The following DHX33 variants were observed in gnomAD, a reference collection of about 807,000 sequenced individuals.
DHX33 encodes the protein ATP-dependent RNA helicase DHX33.
DHX33 carries 42 observed loss-of-function variants against 72.5 expected under a neutral mutation model. The observed-to-expected ratio is 0.58, with a 90% CI of 0.45 to 0.75. The LOEUF is 0.75. Among genes scored for constraint, DHX33 ranks in the 30% least tolerant of loss-of-function variants. DHX33 has a pLI of 0.00. For synonymous variants in DHX33, 358 were observed against 366.1 expected, an observed-to-expected ratio of 0.98 and a Z score of 0.25; for missense variants, 842 against 917.5, an observed-to-expected ratio of 0.92 and a Z score of 1.06.
chr17:5,440,923 A>G lies in DHX33; in HGVS notation c.*3282T>C, dbSNP rs1184232860. 6.6e-6 allele frequency: 1 copy of G among 152,222 alleles called. No individual in the cohort carries two copies. The highest frequency in any genetic ancestry group is 1.5e-5 in the Non-Finnish European group (1 of 68,046). 9.4% of individuals were successfully genotyped at this position (152,222 alleles called of 1,614,324 possible). On this transcript the variant is annotated 3_prime_UTR_variant, in exon 12 of 12. Transcript: ENST00000225296. Reference sequence around the variant, plus strand: ...ACAAGCCACACACATCATATACAAGATTCATTTTTAATGGATTTGATCGTC... The same window carrying G: ...ACAAGCCACACACATCATATACAAGGTTCATTTTTAATGGATTTGATCGTC...
chr17:5,445,376 G>A (rs1916618366), intron 11 of DHX33, among the ~76,000 whole-genome samples: 1 of 152,192 alleles, frequency 6.6e-6, no homozygotes, highest in Non-Finnish European at 1.5e-5. Flanking sequence ...ACCGCGCCCG[G>A]CCTCACCACT....
Position 5,456,054 on chromosome 17 carries a change from A to G in DHX33, c.978T>C (p.Pro326=), listed in dbSNP as rs1250448255. The change falls in exon 5 of 12, where the codon CCT becomes CCC. Residue 326 remains proline (P), a synonymous_variant. Transcript: ENST00000225296. ...PDGCPAMLVL[P]LYASLPYAQQ... is the part of the protein sequence containing the mutation. ...GTGCATAGGGCAGGGAGGCGTACAG[A>G]GGAAGGACCAGCATCGCAGGGCAGC... is the stretch of plus-strand genomic sequence containing the variant. The G allele has an allele frequency of 6.2e-7, 1 of 1,613,528 alleles. No individual in the cohort carries two copies. The highest frequency in any genetic ancestry group is 8.5e-7 in the Non-Finnish European group (1 of 1,180,028).
In DHX33 at chr17:5,450,944, C is replaced by A; in HGVS notation, c.1397-10G>T. The A allele has an allele frequency of 6.2e-7, 1 of 1,610,592 alleles. No homozygotes were observed. Among genetic ancestry groups the A allele is most frequent in the Non-Finnish European group, 8.5e-7 (1 of 1,178,926 alleles). On this transcript the variant is annotated splice_polypyrimidine_tract_variant and intron_variant, in intron 8 of 11. Coordinates refer to ENST00000225296, the MANE Select transcript of DHX33 (RefSeq NM_020162.4). ...GCCGCCTGAATGTGATCTAAAGAAA[C>A]AGAGACATAAAAAGGAGCCAAAAGT...
At position 5,468,899 on chromosome 17, in the gene DHX33, G is replaced by T; in HGVS notation, c.-40C>A. ...GCGGCGGGAGGCGCAAGCGCCGAGA[G>T]CTCCTGCCCCCTCTCAGGTGCAGAC... On this transcript the variant is annotated 5_prime_UTR_variant, in exon 1 of 12. Transcript: ENST00000225296. The T allele has an allele frequency of 1.9e-6, 3 of 1,547,390 alleles. No homozygotes were observed. The highest frequency in any genetic ancestry group is 2.6e-6 in the Non-Finnish European group (3 of 1,145,804).
chr17:5,462,645 C>T, intron 2 of DHX33, 99 bp from the exon 3 acceptor site: 1 of 787,000 alleles, frequency 1.3e-6, no homozygotes, highest in Non-Finnish European at 2.2e-6. Flanking sequence ...GTGAACAAGA[C>T]CAACACCAAC....
At position 5,460,990 on chromosome 17, in the gene DHX33, A is replaced by T; in HGVS notation, c.798T>A (p.Pro266=). ...HPIQVFYTKQ[P]QNDYLHAALV... ...GCGCGGCGTGCAGGTAATCATTCTGAGGCTGTTTGGTGTAAAACACCTGGA... is the reference window on the plus strand; with the variant it reads ...GCGCGGCGTGCAGGTAATCATTCTGTGGCTGTTTGGTGTAAAACACCTGGA... Residue 266 remains proline, a synonymous_variant, in exon 4 of 12, where the codon CCT becomes CCA. Transcript: ENST00000225296. The T allele has an allele frequency of 6.2e-7, 1 of 1,614,062 alleles. No homozygotes were observed. The highest frequency in any genetic ancestry group is 8.5e-7 in the Non-Finnish European group (1 of 1,179,984).
At chr17:5,456,819 T>C (rs1028104306) in intron 4 of DHX33, among the ~76,000 whole-genome samples, 1 of 152,176 alleles carries the variant, frequency 6.6e-6, no homozygotes, top group African/African-American at 2.4e-5. Context: ...TCCTAATCTA[T>C]GGAAATGAAC....
rs769191375 is a variant in DHX33, at chr17:5,462,499, C to T, written c.498G>A (p.Arg166=). ...RFDDVTSEDT[R]IKFLTDGMLL... Reference sequence around the variant, plus strand: ...GCATGCCATCTGTCAGAAACTTGATCCTGGTGTCTTCTGAGGTGACATCAT... The same window carrying T: ...GCATGCCATCTGTCAGAAACTTGATTCTGGTGTCTTCTGAGGTGACATCAT... The change falls in exon 3 of 12, where the codon AGG becomes AGA. Residue 166 remains arginine, a synonymous_variant. Coordinates refer to ENST00000225296, the MANE Select transcript of DHX33 (RefSeq NM_020162.4). 6.2e-7 allele frequency: 1 copy of T among 1,614,164 alleles called. No individual in the cohort carries two copies. The highest frequency in any genetic ancestry group is 8.5e-7 in the Non-Finnish European group (1 of 1,180,022).
intron 5 of DHX33, among the ~76,000 whole-genome samples, chr17:5,455,725 C>A (rs1412794076): frequency 6.6e-6 from 1 of 152,202 alleles, no homozygotes; most frequent in Non-Finnish European, 1.5e-5. Flanking sequence ...TGGACAAATG[C>A]AATTTATGCT....
At chr17:5,455,091 T>C in intron 6 of DHX33, 69 bp downstream of exon 6, 1 of 1,371,252 alleles carries the variant, frequency 7.3e-7, no homozygotes. Flanking sequence ...AGGGGAAAAC[T>C]GTGGGACTAC....
At position 5,444,229 on chromosome 17, in the gene DHX33, C is replaced by T. The variant is rs777107397; in HGVS notation, c.2100G>A (p.Arg700=). 1 of 1,613,756 alleles carries T rather than the reference C, an allele frequency of 6.2e-7. No individual in the cohort carries two copies. Among genetic ancestry groups the T allele is most frequent in the South Asian group, 1.1e-5 (1 of 91,080 alleles). Residue 700 remains arginine, a synonymous_variant, in exon 12 of 12, where the codon AGG becomes AGA. Transcript: ENST00000225296. This position sits in a 1 kb window ranked among gnomAD's most constrained non-coding sequence, Gnocchi z 4.9. ...CTCAGTTTCTGGCGGTTCTCAGCTT[C>T]CTCCTAAAGTACTCAGGGGCAGCCT... ...LYEAAPEYFR[R]KLRTARN
At position 5,457,915 on chromosome 17, in the gene DHX33, A is replaced by C. The variant is rs74927234; in HGVS notation, c.850-1733T>G. Among the ~76,000 whole-genome samples, 682 of 152,290 alleles carry C rather than the reference A, an allele frequency of 4.5e-3. 38 individuals are homozygous for C. The East Asian group carries it at 0.11, about 26-fold the overall frequency. On this transcript the variant is annotated intron_variant, in intron 4 of 11. Transcript: ENST00000225296. ...GCAGACTTCTTCCCCAAACACTATG[A>C]AAACGACAGTAAAGGCCACTGTCTT...
At position 5,442,131 on chromosome 17, in the gene DHX33, C is replaced by G. The variant is rs144736841; in HGVS notation, c.*2074G>C. 3.9e-3 allele frequency: 598 copies of G among 152,150 alleles called. 5 individuals are homozygous for G. The highest frequency in any genetic ancestry group is 0.012 in the African/African-American group (511 of 41,502). The allele number at this position is 152,150 out of a possible 1,614,324, so 9.4% of individuals were successfully genotyped here. ...GCTGGTCTTGAACTTCTCAAGCAAT[C>G]CACCCACCTCAGCCTCCCATCCCAA... On this transcript the variant is annotated 3_prime_UTR_variant, in exon 12 of 12. Coordinates refer to ENST00000225296, the MANE Select transcript of DHX33 (RefSeq NM_020162.4).
At chr17:5,460,048 C>T (rs370364367) in intron 4 of DHX33, among the ~76,000 whole-genome samples, 4 of 149,370 alleles carry the variant, frequency 2.7e-5, no homozygotes, top group African/African-American at 1.0e-4. Flanking sequence ...AGACCCTCGC[C>T]CTGTCACCCA....
In DHX33 at chr17:5,450,298, C is replaced by T. The variant is rs770387647; in HGVS notation, c.1633G>A (p.Val545Met). 6.8e-6 allele frequency: 11 copies of T among 1,614,176 alleles called. No individual in the cohort carries two copies. The South Asian group carries it at 9.9e-5, about 14-fold the overall frequency. The change falls in exon 10 of 12, where the codon GTG becomes ATG. Residue 545 changes from valine (V) to methionine (M), a missense_variant. Physicochemically the swap from Val to Met is conservative, Grantham distance 21. Coordinates refer to ENST00000225296, the MANE Select transcript of DHX33 (RefSeq NM_020162.4). ...ATGAACTTCTTGCGGACCCCTTGCA[C>T]TTCCTCTCGCCGGGAAGGAGGGTTG... ...LHNPPSRREE[V>M]QGVRKKFISS...
intron 5 of DHX33, among the ~76,000 whole-genome samples, 193 bp from the exon 6 acceptor site, chr17:5,455,464 G>C (rs1209335726): frequency 6.6e-6 from 1 of 152,192 alleles, no homozygotes; most frequent in Non-Finnish European, 1.5e-5. Flanking sequence ...CAGTCTTAAA[G>C]GTCAATTTGA....
In DHX33 at chr17:5,442,685, C is replaced by T. The variant is rs1320798432; in HGVS notation, c.*1520G>A. 1.3e-5 allele frequency: 2 copies of T among 152,182 alleles called. No homozygotes were observed. The highest frequency in any genetic ancestry group is 2.9e-5 in the Non-Finnish European group (2 of 68,040). The allele number at this position is 152,182 out of a possible 1,614,324, so 9.4% of individuals were successfully genotyped here. ...AGAGCATCCATGATCTCTGAAGAGC[C>T]TCTTGGGCAGCTTGGCCCCTGGTTA... On this transcript the variant is annotated 3_prime_UTR_variant, in exon 12 of 12. Coordinates refer to ENST00000225296, the MANE Select transcript of DHX33 (RefSeq NM_020162.4).
rs186920388 is a variant in DHX33, at chr17:5,463,591, C to T, written c.388G>A (p.Val130Ile). ...CTAGTAGCAAGAGAGATGGCAGCTA[C>T]TCGACGAGGCTGGGTCACAGCAATG... ...GIIAVTQPRR[V>I]AAISLATRVS... is the part of the protein sequence containing the mutation. Residue 130 changes from valine to isoleucine, a missense_variant, in exon 2 of 12, where the codon GTA becomes ATA. Transcript: ENST00000225296. 1.1e-5 allele frequency: 17 copies of T among 1,614,088 alleles called. No homozygotes were observed. In the East Asian group the frequency reaches 3.3e-4, roughly 32 times the overall value.
Position 5,444,066 on chromosome 17 carries a change from A to T in DHX33, c.*139T>A. The T allele has an allele frequency of 4.3e-6, 4 of 939,130 alleles. No homozygotes were observed. The highest frequency in any genetic ancestry group is 1.7e-5 in the African/African-American group (1 of 60,168). The allele number at this position is 939,130 out of a possible 1,614,324, so 58.2% of individuals were successfully genotyped here. A position where few individuals can be genotyped will look rare whatever the true frequency, so the allele number is the denominator to read the frequency against. On this transcript the variant is annotated 3_prime_UTR_variant, in exon 12 of 12. Coordinates refer to ENST00000225296, the MANE Select transcript of DHX33 (RefSeq NM_020162.4). The surrounding 1 kb of genome is among the most constrained non-coding windows in gnomAD (Gnocchi z 4.9). Reference sequence around the variant, plus strand: ...GTTCAGTCCCAGGAGTTGAGCAAAGATGCTTTCACGCTCCTGGAAGTCAGG... The same window carrying T: ...GTTCAGTCCCAGGAGTTGAGCAAAGTTGCTTTCACGCTCCTGGAAGTCAGG...
Sources: gnomAD v4.1 joint callset for allele counts (sites outside exome capture counted in the v4.1 genomes callset) on GRCh38, gnomAD v4.1.1 for gene constraint, Gnocchi (gnomAD v3.1) non-coding constraint, MANE v1.5 for transcripts, NCBI Gene and HGNC (gene_info 2026-07-23, HGNC 2026-07-21) for gene names.